The following CAPN3 variants were observed in gnomAD, a reference collection of about 807,000 sequenced individuals.
CAPN3 encodes calpain 3.
CAPN3 carries 88 observed loss-of-function variants against 114.0 expected under a neutral mutation model. The observed-to-expected ratio is 0.77, with a 90% confidence interval of 0.65 to 0.92. The LOEUF is 0.92. Ranked by LOEUF, CAPN3 falls within the 40% of genes least tolerant of loss-of-function variation. The pLI is 0.00. For missense variants in CAPN3, 1,028 were observed against 1,069.0 expected, an observed-to-expected ratio of 0.96 and a Z score of 0.53; for synonymous variants, 386 against 382.9, an observed-to-expected ratio of 1.01 and a Z score of -0.09.
chr15:42,389,158 A>T, intron 5 of CAPN3, 62 bp downstream of exon 5: 2 of 1,499,768 alleles, frequency 1.3e-6, no homozygotes, highest in Non-Finnish European at 1.9e-6. Context: ...CTTTTACCCA[A>T]TGAAGGGCAG....
chr15:42,408,177 C>CCCTT, intron 15 of CAPN3, 34 bp from the exon 16 acceptor site: 2 of 1,431,790 alleles, frequency 1.4e-6, no homozygotes, highest in Non-Finnish European at 9.8e-7. Flanking sequence ...CTGTAATCCT[C>CCCTT]CCTTCCTTCC....
intron 19 of CAPN3, 140 bp downstream of exon 19, chr15:42,410,135 G>A: frequency 2.4e-6 from 2 of 824,148 alleles, no homozygotes; most frequent in Non-Finnish European, 4.2e-6. Context: ...GAACATCTTG[G>A]ATACTCGTCT....
chr15:42,360,176 A>T, intron 1 of CAPN3, 62 bp downstream of exon 1: 1 of 1,586,620 alleles, frequency 6.3e-7, no homozygotes, highest in Non-Finnish European at 8.6e-7. Context: ...CTCACTCAGC[A>T]CCTCCGGCAG....
intron 1 of CAPN3, among the ~76,000 whole-genome samples, chr15:42,381,968 A>G (rs376040461): frequency 3.3e-5 from 5 of 152,158 alleles, no homozygotes; most frequent in African/African-American, 1.2e-4. Flanking sequence ...GCTCGTGGGA[A>G]CAATATTCCC....
chr15:42,389,454 C>T (rs905491007), intron 5 of CAPN3, among the ~76,000 whole-genome samples: 8 of 152,206 alleles, frequency 5.3e-5, no homozygotes, highest in African/African-American at 1.7e-4. Flanking sequence ...CTAAGAAAGC[C>T]TCCCAGTCAC....
chr15:42,404,465 A>G (rs1200440848), intron 14 of CAPN3: 2 of 456,392 alleles, frequency 4.4e-6, no homozygotes, highest in South Asian at 1.5e-5. Flanking sequence ...CAGAGGCTCA[A>G]TGGGGTTGAA....
chr15:42,369,590 T>G (rs2052882970), intron 1 of CAPN3, among the ~76,000 whole-genome samples: 1 of 152,218 alleles, frequency 6.6e-6, no homozygotes, highest in Non-Finnish European at 1.5e-5. Flanking sequence ...CATGTTCAAA[T>G]TGTTCCATCT....
chr15:42,373,732 C>T (rs1043814863), intron 1 of CAPN3, among the ~76,000 whole-genome samples: 7 of 152,180 alleles, frequency 4.6e-5, no homozygotes, highest in African/African-American at 1.2e-4. Context: ...ATCATTTTCA[C>T]AGATGAGAGT....
chr15:42,367,095 G>A (rs2052807035), intron 1 of CAPN3, among the ~76,000 whole-genome samples: 1 of 152,138 alleles, frequency 6.6e-6, no homozygotes, highest in Admixed American at 6.5e-5. Flanking sequence ...GCCTCCCAAA[G>A]TGCTGGGATT....
intron 1 of CAPN3, among the ~76,000 whole-genome samples, chr15:42,361,033 G>A (rs1187160239): frequency 6.6e-6 from 1 of 152,226 alleles, no homozygotes; most frequent in Non-Finnish European, 1.5e-5. Context: ...GAACAAGAGT[G>A]ACATTGTCAG....
rs767411337 is a variant in CAPN3 at position 42,399,679 on chromosome 15, G to A, written c.1354+27G>A. 19 of 1,563,312 alleles carry A rather than the reference G, an allele frequency of 1.2e-5. No individual in the cohort carries two copies. In the Admixed American group the frequency reaches 3.6e-4, roughly 30 times the overall value. ...TGGGAGATGCTCTTGATGGGGGGAG[G>A]GTCTAAGCCGAAAAAGTTCCAGGCA... On this transcript the variant is annotated intron_variant, in intron 10 of 23. Transcript: ENST00000397163.
chr15:42,409,973 G>C lies in CAPN3; in HGVS notation c.2093G>C (p.Arg698Pro). The change falls in exon 19 of 24, where the codon CGT becomes CCT. Residue 698 changes from arginine to proline, a missense_variant. By Grantham distance (103) the Arg-to-Pro change is moderately radical. Coordinates refer to ENST00000397163, the MANE Select transcript of CAPN3 (RefSeq NM_000070.3). Reference protein sequence around the residue: ...KTHGFTLESCRSMIALMDTDG... With the variant: ...KTHGFTLESCPSMIALMDTDG... ...CACGGGTTCACACTGGAGTCCTGCC[G>C]TAGCATGATTGCGCTCATGGATGTA... 1 of 1,612,144 alleles carries C rather than the reference G, an allele frequency of 6.2e-7. No individual in the cohort carries two copies. Among genetic ancestry groups the C allele is most frequent in the Non-Finnish European group, 8.5e-7 (1 of 1,179,876 alleles).
At chr15:42,385,171 T>C (rs937470171) in intron 2 of CAPN3, among the ~76,000 whole-genome samples, 1 of 152,102 alleles carries the variant, frequency 6.6e-6, no homozygotes, top group African/African-American at 2.4e-5. Flanking sequence ...TGAAGTAAAA[T>C]TGGAGAGAAC....
chr15:42,396,819 G>C lies in CAPN3; in HGVS notation c.1135G>C (p.Val379Leu). 1 of 1,614,026 alleles carries C rather than the reference G, an allele frequency of 6.2e-7. No individual in the cohort carries two copies. The highest frequency in any genetic ancestry group is 8.5e-7 in the Non-Finnish European group (1 of 1,179,910). ...WSDRWKDWSF[V>L]DKDEKARLQH... is the part of the protein sequence containing the mutation. ...CACCAGATGGAAGGACTGGAGCTTT[G>C]TGGACAAAGATGAGAAGGCCCGTCT... The change falls in exon 9 of 24, where the codon GTG (valine) becomes CTG (leucine). Residue 379 changes from valine to leucine, a missense_variant. Coordinates refer to ENST00000397163, the MANE Select transcript of CAPN3 (RefSeq NM_000070.3).
Position 42,384,524 on chromosome 15 carries a change from C to T in CAPN3, c.351C>T (p.Asn117=), listed in dbSNP as rs772886155. The change falls in exon 2 of 24, where the codon AAC becomes AAT. Residue 117 remains asparagine, a synonymous_variant. Transcript: ENST00000397163. ...CCCGATTTATCATTGATGGAGCCAA[C>T]AGAACTGACATCTGTCAAGGAGAGC... ...ENPRFIIDGA[N]RTDICQGELG... is the part of the protein sequence containing the mutation. 8.2e-5 allele frequency: 133 copies of T among 1,613,842 alleles called. 1 individual carries two copies. In the South Asian group the frequency reaches 1.1e-3, roughly 13 times the overall value.
chr15:42,390,977 G>A (rs193099443), intron 6 of CAPN3, among the ~76,000 whole-genome samples: 213 of 151,814 alleles, frequency 1.4e-3, no homozygotes, highest in Non-Finnish European at 2.6e-3. Context: ...TTTTTTAGTA[G>A]AGACGGGGTT....
At chr15:42,390,794 T>G (rs200841032) in intron 6 of CAPN3, among the ~76,000 whole-genome samples, 5,832 of 147,028 alleles carry the variant, frequency 0.04, 333 homozygotes, top group African/African-American at 0.13. Context: ...TTTTTTGTTT[T>G]TTTTTTTTTT....
In CAPN3 at chr15:42,387,188, G is replaced by C. The variant is rs2053428528; in HGVS notation, c.499-565G>C. Among the ~76,000 whole-genome samples, 4 of 152,234 alleles carry C rather than the reference G, an allele frequency of 2.6e-5. No homozygotes were observed. In the South Asian group the frequency reaches 8.3e-4, roughly 32 times the overall value. ...TGAAAAGGAGACTAAACCACATTTG[G>C]CCCTTTTCAGTTCAAACTGATTCAT... On this transcript the variant is annotated intron_variant, in intron 3 of 23. Coordinates refer to ENST00000397163, the MANE Select transcript of CAPN3 (RefSeq NM_000070.3).
At chr15:42,397,435 A>G (rs955832490) in intron 9 of CAPN3, among the ~76,000 whole-genome samples, 1 of 152,142 alleles carries the variant, frequency 6.6e-6, no homozygotes, top group Non-Finnish European at 1.5e-5. Flanking sequence ...AGGTCAGGAG[A>G]TCGAGAACAT....
Sources: gnomAD v4.1 joint callset for allele counts (sites outside exome capture counted in the v4.1 genomes callset) on GRCh38, gnomAD v4.1.1 for gene constraint, MANE v1.5 for transcripts, NCBI Gene and HGNC (gene_info 2026-07-23, HGNC 2026-07-21) for gene names.